The following SSBP2 variants were observed in gnomAD, a reference collection of about 807,000 sequenced individuals.
SSBP2 encodes single stranded DNA binding protein 2, also known as single-stranded DNA-binding protein 2.
SSBP2 carries 17 observed loss-of-function variants against 61.8 expected under a neutral mutation model. The observed-to-expected ratio is 0.28, with a 90% CI of 0.19 to 0.41. SSBP2 has a LOEUF of 0.41. SSBP2 is among the 10% of genes least tolerant of loss of function. The pLI is 1.00. For synonymous variants in SSBP2, 139 were observed against 141.3 expected, an observed-to-expected ratio of 0.98 and a Z score of 0.12; for missense variants, 310 against 458.7, an observed-to-expected ratio of 0.68 and a Z score of 2.96.
chr5:81,433,994 T>C (rs1309431863), intron 15 of SSBP2, among the ~76,000 whole-genome samples: 1 of 152,200 alleles, frequency 6.6e-6, no homozygotes, highest in Non-Finnish European at 1.5e-5. Flanking sequence ...CCTTAACATA[T>C]GTTCACACTC....
chr5:81,476,222 C>T (rs1370859039), intron 6 of SSBP2, among the ~76,000 whole-genome samples: 1 of 152,130 alleles, frequency 6.6e-6, no homozygotes, highest in East Asian at 1.9e-4. Context: ...AACCACCATA[C>T]AGCCTTTCAA....
intron 1 of SSBP2, among the ~76,000 whole-genome samples, chr5:81,740,435 T>C (rs1290437298): frequency 6.6e-6 from 1 of 151,990 alleles, no homozygotes; most frequent in Non-Finnish European, 1.5e-5. Flanking sequence ...TAGCACATAA[T>C]GATGTGAAAA....
chr5:81,489,391 A>C, intron 5 of SSBP2, 82 bp from the exon 6 acceptor site: 1 of 1,144,718 alleles, frequency 8.7e-7, no homozygotes, highest in Non-Finnish European at 1.2e-6. Context: ...CTACTTAAAA[A>C]ATTTTAGAAT....
intron 1 of SSBP2, among the ~76,000 whole-genome samples, chr5:81,657,118 T>C (rs1015894242): frequency 1.3e-5 from 2 of 152,192 alleles, no homozygotes; most frequent in African/African-American, 4.8e-5. Context: ...AACTTTTCTT[T>C]TGTTTGATTA....
At chr5:81,587,747 GCACACACA>G (rs952367728) in intron 4 of SSBP2, among the ~76,000 whole-genome samples, 29 of 128,326 alleles carry the variant, frequency 2.3e-4, no homozygotes, top group East Asian at 6.0e-4. Flanking sequence ...ACACACACAC[GCACACACA>G]CGCGCGCGCA....
intron 1 of SSBP2, among the ~76,000 whole-genome samples, chr5:81,696,798 A>G (rs1207183819): frequency 6.6e-5 from 10 of 152,242 alleles, no homozygotes; most frequent in Admixed American, 5.9e-4. Flanking sequence ...CTACACTAAG[A>G]AACACGAAGT....
intron 15 of SSBP2, among the ~76,000 whole-genome samples, chr5:81,434,718 C>T (rs993649037): frequency 2.7e-5 from 4 of 147,250 alleles, no homozygotes; most frequent in Admixed American, 6.7e-5. Flanking sequence ...CAAAATTACT[C>T]GAAAAAAACA....
At chr5:81,591,711 G>T (rs1402717040) in intron 4 of SSBP2, among the ~76,000 whole-genome samples, 1 of 152,002 alleles carries the variant, frequency 6.6e-6, no homozygotes, top group Non-Finnish European at 1.5e-5. Flanking sequence ...CCTGGAAATA[G>T]ATTGAAAAAA....
At chr5:81,425,994 T>C (rs1761927919) in intron 16 of SSBP2, among the ~76,000 whole-genome samples, 1 of 152,206 alleles carries the variant, frequency 6.6e-6, no homozygotes, top group South Asian at 2.1e-4. Context: ...TGCTCAAAAA[T>C]ATGTGCTTTC....
intron 1 of SSBP2, among the ~76,000 whole-genome samples, chr5:81,681,062 T>C (rs909274193): frequency 2.0e-5 from 3 of 152,140 alleles, no homozygotes; most frequent in African/African-American, 7.2e-5. Flanking sequence ...ATAGAAATCA[T>C]ATAGTATCTG....
intron 4 of SSBP2, among the ~76,000 whole-genome samples, chr5:81,586,982 C>T (rs1158920269): frequency 6.6e-6 from 1 of 152,122 alleles, no homozygotes; most frequent in Non-Finnish European, 1.5e-5. Flanking sequence ...GAATTAAGTA[C>T]ATCCTGTGTT....
intron 4 of SSBP2, among the ~76,000 whole-genome samples, chr5:81,538,007 G>A (rs1326821596): frequency 6.6e-6 from 1 of 152,038 alleles, no homozygotes; most frequent in African/African-American, 2.4e-5. Context: ...TCAAGTAAAA[G>A]GAAAAAGTTG....
chr5:81,719,453 C>T (rs530238151), intron 1 of SSBP2, among the ~76,000 whole-genome samples: 2 of 152,266 alleles, frequency 1.3e-5, no homozygotes, highest in Non-Finnish European at 2.9e-5. Context: ...TGAGAAATTC[C>T]TGTGACAGTG....
chr5:81,465,793 G>A (rs1580754369), intron 9 of SSBP2, among the ~76,000 whole-genome samples: 2 of 151,876 alleles, frequency 1.3e-5, no homozygotes, highest in East Asian at 3.9e-4. Context: ...ATTAATACAA[G>A]GCCAAGCCTT....
chr5:81,567,006 GT>G (rs1233456488), intron 4 of SSBP2, among the ~76,000 whole-genome samples: 1 of 152,168 alleles, frequency 6.6e-6, no homozygotes, highest in Admixed American at 6.5e-5. Context: ...AAAGCATTCA[GT>G]TTTAAAAGCA....
chr5:81,488,036 T>TATATAA (rs1766536063), intron 6 of SSBP2, among the ~76,000 whole-genome samples: 1 of 18,266 alleles, frequency 5.5e-5, no homozygotes, highest in Non-Finnish European at 9.6e-5. Context: ...TATATATATA[T>TATATAA]ATATATATAT....
At chr5:81,429,111 AC>A (rs1762135548) in intron 15 of SSBP2, among the ~76,000 whole-genome samples, 1 of 152,196 alleles carries the variant, frequency 6.6e-6, no homozygotes, top group South Asian at 2.1e-4. Context: ...GTTTTAATAA[AC>A]ATTTCCTTTT....
chr5:81,554,084 T>C (rs1772410108), intron 4 of SSBP2, among the ~76,000 whole-genome samples: 1 of 152,106 alleles, frequency 6.6e-6, no homozygotes, highest in African/African-American at 2.4e-5. Flanking sequence ...CTTGCATAAG[T>C]AACAAAAACA....
intron 4 of SSBP2, among the ~76,000 whole-genome samples, chr5:81,518,280 C>T (rs988939651): frequency 6.6e-6 from 1 of 152,036 alleles, no homozygotes; most frequent in Non-Finnish European, 1.5e-5. Flanking sequence ...CCTTATTTAG[C>T]CATCTGTACT....
Sources: allele counts gnomAD v4.1 joint callset (sites outside exome capture counted in the v4.1 genomes callset), GRCh38; gene constraint gnomAD v4.1.1; transcripts MANE v1.5; gene names NCBI Gene and HGNC (gene_info 2026-07-23, HGNC 2026-07-21).